Variants in GBF1 observed in about 807,000 individuals in gnomAD.
The protein encoded by GBF1 is golgi brefeldin A resistant guanine nucleotide exchange factor 1, also known as Golgi-specific brefeldin A-resistance guanine nucleotide exchange factor 1.
GBF1 carries 114 observed loss-of-function variants against 210.5 expected under a neutral mutation model. The observed-to-expected ratio is 0.54, with a 90% CI of 0.47 to 0.63. The LOEUF (loss-of-function observed/expected upper bound fraction) is 0.63. Ranked by LOEUF, GBF1 falls within the 30% of genes least tolerant of loss-of-function variation. GBF1 has a pLI of 0.00. For synonymous variants in GBF1, 850 were observed against 889.2 expected, an observed-to-expected ratio of 0.96 and a Z score of 0.78; for missense variants, 1,851 against 2,357.7, an observed-to-expected ratio of 0.79 and a Z score of 4.45.
intron 3 of GBF1, among the ~76,000 whole-genome samples, chr10:102,324,544 C>T (rs2056729986): frequency 6.6e-6 from 1 of 152,286 alleles, no homozygotes; most frequent in Admixed American, 6.5e-5. Flanking sequence ...TATCCCATCT[C>T]TACCATTGGG....
chr10:102,291,949 G>A (rs1288109453), intron 3 of GBF1, among the ~76,000 whole-genome samples: 9 of 148,744 alleles, frequency 6.1e-5, no homozygotes, highest in Non-Finnish European at 8.9e-5. Flanking sequence ...GAGTGCAGTG[G>A]CACAATCTCA....
chr10:102,380,845 G>A (rs3781295), intron 38 of GBF1, among the ~76,000 whole-genome samples, 159 bp downstream of exon 38: 49,026 of 151,978 alleles, frequency 0.32, 8,528 homozygotes, highest in South Asian at 0.48. Context: ...CCATGTCTAC[G>A]AAAAATACAA....
intron 3 of GBF1, among the ~76,000 whole-genome samples, chr10:102,270,412 T>C (rs953917115): frequency 1.4e-4 from 22 of 152,302 alleles, no homozygotes; most frequent in African/African-American, 5.3e-4. Context: ...CCTCCCAAAG[T>C]GCTGGGATTA....
chr10:102,376,951 G>C lies in GBF1; in HGVS notation c.4305G>C (p.Glu1435Asp). The change falls in exon 33 of 40, where the codon GAG becomes GAC. Residue 1435 changes from glutamate (E) to aspartate (D), a missense_variant. Transcript: ENST00000369983. ...TCTGCTCAGGATGCAAGTCCCAGGA[G>C]AAACGTGGCAAGAGTCACAAATATG... ...ASLNGGCKSQ[E>D]KRGKSHKYDS... 1 of 1,614,156 alleles carries C rather than the reference G, an allele frequency of 6.2e-7. No homozygotes were observed.
At chr10:102,308,522 A>T (rs1031117692) in intron 3 of GBF1, among the ~76,000 whole-genome samples, 11 of 152,158 alleles carry the variant, frequency 7.2e-5, no homozygotes, top group Non-Finnish European at 1.3e-4. Context: ...TGGCACATAT[A>T]CACCATGGAA....
rs2059395486 is a variant in GBF1 at position 102,358,105 on chromosome 10, C to T, written c.706C>T (p.Pro236Ser). ...KWKKQKRSPR[P>S]PRHMTKVTPG... ...GAAGAAACAGAAGAGATCCCCTCGG[C>T]CCCCACGCCATATGACCAAAGTCAC... is the stretch of plus-strand genomic sequence containing the variant. The change falls in exon 9 of 40, where the codon CCC (proline) becomes TCC (serine). Residue 236 changes from proline to serine, a missense_variant. Physicochemically the swap from Pro to Ser is moderately conservative, Grantham distance 74. This residue lies in a region of GBF1 where 804 missense variants were observed against 958.6 expected (regional missense o/e 0.84). Coordinates refer to ENST00000369983, the MANE Select transcript of GBF1 (RefSeq NM_001377137.1). 3 of 1,609,420 alleles carry T rather than the reference C, an allele frequency of 1.9e-6. No individual in the cohort carries two copies. Among genetic ancestry groups the T allele is most frequent in the East Asian group, 2.2e-5 (1 of 44,882 alleles).
chr10:102,365,361 A>G (rs990468432), intron 17 of GBF1, 36 bp from the exon 18 acceptor site: 1 of 1,560,534 alleles, frequency 6.4e-7, no homozygotes, highest in Admixed American at 1.7e-5. Flanking sequence ...ATTTAGAGGC[A>G]AAGTAGCTTC....
At chr10:102,381,655 T>C (rs2060855912) in intron 39 of GBF1, among the ~76,000 whole-genome samples, 1 of 151,562 alleles carries the variant, frequency 6.6e-6, no homozygotes, top group African/African-American at 2.4e-5. Context: ...AAACCCCGCC[T>C]GTACCAAAAA....
chr10:102,325,377 C>T (rs1313748757), intron 3 of GBF1, among the ~76,000 whole-genome samples: 1 of 151,886 alleles, frequency 6.6e-6, no homozygotes, highest in African/African-American at 2.4e-5. Context: ...TGGTGAAACC[C>T]CGTCTCTACT....
chr10:102,325,624 C>A (rs1236599169), intron 3 of GBF1, among the ~76,000 whole-genome samples: 1 of 150,964 alleles, frequency 6.6e-6, no homozygotes, highest in Non-Finnish European at 1.5e-5. Flanking sequence ...CATACTGGAA[C>A]CCATATGAAC....
chr10:102,256,061 G>T (rs7916262), intron 1 of GBF1, among the ~76,000 whole-genome samples: 101,987 of 152,080 alleles, frequency 0.67, 34,821 homozygotes, highest in African/African-American at 0.81. Flanking sequence ...TCCTCCCACC[G>T]CAGCCTCCCT....
At position 102,376,321 on chromosome 10, in the gene GBF1, C is replaced by T. The variant is rs766010358; in HGVS notation, c.3936C>T (p.Ser1312=). 6.2e-7 allele frequency: 1 copy of T among 1,613,878 alleles called. No homozygotes were observed. Among genetic ancestry groups the T allele is most frequent in the South Asian group, 1.1e-5 (1 of 91,072 alleles). The change falls in exon 31 of 40, where the codon AGC becomes AGT. Residue 1312 remains serine (S), a synonymous_variant. Coordinates refer to ENST00000369983, the MANE Select transcript of GBF1 (RefSeq NM_001377137.1). ...CATCCTACCATCAGAATGACGTGAG[C>T]CTGGATCGAGGGTACACTTCCGACT... ...ELPSYHQNDV[S]LDRGYTSDSE...
Position 102,317,906 on chromosome 10 carries a change from A to T in GBF1, c.164-26145A>T, listed in dbSNP as rs527522693. 8.4e-3 allele frequency among the ~76,000 whole-genome samples: 783 copies of T among 92,690 alleles called. 8 individuals are homozygous for T. Among genetic ancestry groups the T allele is most frequent in the African/African-American group, 0.022 (676 of 30,194 alleles). 60.8% of individuals were successfully genotyped at this position (92,690 alleles called of 152,430 possible). On this transcript the variant is annotated intron_variant, in intron 3 of 39. Transcript: ENST00000369983. ...GTTGGTTATTTATTTATTTATTTTT[A>T]TTTATTTATTTATTTATTTTGAGAC...
chr10:102,325,481 C>G (rs529874341), intron 3 of GBF1, among the ~76,000 whole-genome samples: 1 of 144,534 alleles, frequency 6.9e-6, no homozygotes, highest in Non-Finnish European at 1.5e-5. Flanking sequence ...ACTCAGGAGA[C>G]GGAGGTTGCA....
At chr10:102,295,565 C>CA (rs2076843236) in intron 3 of GBF1, among the ~76,000 whole-genome samples, 2 of 151,720 alleles carry the variant, frequency 1.3e-5, no homozygotes, top group Admixed American at 1.3e-4. Context: ...AGATTTGCTT[C>CA]AAAACAATAT....
At chr10:102,249,867 T>C (rs1225221571) in intron 1 of GBF1, among the ~76,000 whole-genome samples, 1 of 152,114 alleles carries the variant, frequency 6.6e-6, no homozygotes, top group African/African-American at 2.4e-5. Flanking sequence ...AATTTTTGTA[T>C]TTTTAATAGA....
chr10:102,288,121 A>C (rs1433062047), intron 3 of GBF1, among the ~76,000 whole-genome samples: 1 of 152,180 alleles, frequency 6.6e-6, no homozygotes, highest in Non-Finnish European at 1.5e-5. Flanking sequence ...GCCAGTAAGC[A>C]TGATCGATCT....
chr10:102,344,019 A>T, intron 3 of GBF1, 32 bp from the exon 4 acceptor site: 1 of 1,598,486 alleles, frequency 6.3e-7, no homozygotes, highest in African/African-American at 1.3e-5. Context: ...CTCTTAGATG[A>T]TACCTCTTCA....
At chr10:102,322,420 T>A (rs1200014907) in intron 3 of GBF1, among the ~76,000 whole-genome samples, 1 of 152,218 alleles carries the variant, frequency 6.6e-6, no homozygotes, top group African/African-American at 2.4e-5. Flanking sequence ...TTCCCCAGTT[T>A]ATGTCCATTT....
Sources: gnomAD v4.1 joint callset for allele counts (sites outside exome capture counted in the v4.1 genomes callset) on GRCh38, gnomAD v4.1.1 for gene constraint, gnomAD v4.1.1 regional missense constraint, MANE v1.5 for transcripts, NCBI Gene and HGNC (gene_info 2026-07-23, HGNC 2026-07-21) for gene names.